ADGRV1: variants seen among roughly 807,000 people sequenced by gnomAD.
The protein encoded by ADGRV1 is adhesion G protein-coupled receptor V1, also known as G-protein coupled receptor 98.
Under a neutral mutation model 596.2 loss-of-function variants are expected in ADGRV1, and 359 were observed. The ratio of observed to expected loss-of-function variants is 0.60; its 90% CI spans 0.55 to 0.66. ADGRV1 has a LOEUF of 0.66. ADGRV1 is among the 30% of genes least tolerant of loss of function. The pLI, the probability that ADGRV1 is intolerant of heterozygous loss-of-function variation, is 0.00. For synonymous variants in ADGRV1, 2,681 were observed against 2,679.2 expected (o/e 1.00, Z -0.02); for missense variants, 7,274 against 7,575.6 (o/e 0.96, Z 1.48).
intron 83 of ADGRV1, among the ~76,000 whole-genome samples, chr5:90,878,111 G>A (rs770519538): frequency 5.3e-5 from 8 of 152,144 alleles, no homozygotes; most frequent in Non-Finnish European, 1.0e-4. Context: ...GTTATTAATA[G>A]GCTTGGGAAA....
chr5:90,738,945 T>G (rs1753602959), intron 50 of ADGRV1, among the ~76,000 whole-genome samples: 1 of 152,178 alleles, frequency 6.6e-6, no homozygotes, highest in South Asian at 2.1e-4. Flanking sequence ...GTTCTCTTGA[T>G]TGTGTCACAT....
At chr5:90,774,682 C>T (rs1272325764) in intron 60 of ADGRV1, among the ~76,000 whole-genome samples, 2 of 152,062 alleles carry the variant, frequency 1.3e-5, no homozygotes, top group Admixed American at 1.3e-4. Flanking sequence ...GAAAAACTCT[C>T]AATTACATTA....
chr5:90,840,915 C>A lies in ADGRV1; in HGVS notation c.16949C>A (p.Thr5650Asn), dbSNP rs61748627. The A allele has an allele frequency of 6.5e-7, 1 of 1,545,102 alleles. No homozygotes were observed. Residue 5650 changes from threonine (T) to asparagine (N), a missense_variant, in exon 78 of 90, where the codon ACC (threonine) becomes AAC (asparagine). Transcript: ENST00000405460. Reference protein sequence around the residue: ...NDDILNRVLHTISMKVATENT... With the variant: ...NDDILNRVLHNISMKVATENT... ...GATATTCTCAACAGAGTGCTCCATACCATCAGCATGAAAGTGGCCACAGAA... is the reference window on the plus strand; with the variant it reads ...GATATTCTCAACAGAGTGCTCCATAACATCAGCATGAAAGTGGCCACAGAA...
At chr5:90,876,852 A>G (rs1209772229) in intron 83 of ADGRV1, among the ~76,000 whole-genome samples, 1 of 152,168 alleles carries the variant, frequency 6.6e-6, no homozygotes, top group African/African-American at 2.4e-5. Flanking sequence ...CCGTTCTCCA[A>G]CTATTTAGTG....
intron 83 of ADGRV1, among the ~76,000 whole-genome samples, chr5:90,878,587 T>A (rs1270648386): frequency 1.3e-5 from 2 of 152,228 alleles, no homozygotes; most frequent in African/African-American, 4.8e-5. Flanking sequence ...ATCACTTCTT[T>A]GAAGGTAATT....
chr5:90,957,601 G>A (rs1358274059), intron 83 of ADGRV1, among the ~76,000 whole-genome samples: 3 of 146,372 alleles, frequency 2.0e-5, no homozygotes, highest in African/African-American at 7.5e-5. Context: ...TAACATATAT[G>A]TATATATTTT....
intron 85 of ADGRV1, among the ~76,000 whole-genome samples, chr5:90,993,198 G>T (rs1160418381): frequency 7.9e-6 from 1 of 126,110 alleles, no homozygotes; most frequent in Non-Finnish European, 1.6e-5. Context: ...TTGCTCTGTC[G>T]CCCAGGCTGG....
chr5:91,157,008 C>A (rs751359957), intron 89 of ADGRV1, among the ~76,000 whole-genome samples: 1 of 152,228 alleles, frequency 6.6e-6, no homozygotes, highest in African/African-American at 2.4e-5. Context: ...AAGTCGAGCA[C>A]AGCGCTGCTT....
chr5:91,031,651 G>A (rs1378229628), intron 85 of ADGRV1, among the ~76,000 whole-genome samples: 2 of 152,164 alleles, frequency 1.3e-5, no homozygotes, highest in Non-Finnish European at 2.9e-5. Context: ...AGCATAAGAT[G>A]AGTCATATTA....
rs546064419 is a variant in ADGRV1, at chr5:90,990,608, T to C, written c.18152+5086T>C. 2.8e-3 allele frequency among the ~76,000 whole-genome samples: 428 copies of C among 152,308 alleles called. 4 individuals carry two copies. The highest frequency in any genetic ancestry group is 2.4e-3 in the Non-Finnish European group (165 of 68,014). On this transcript the variant is annotated intron_variant, in intron 85 of 89. Transcript: ENST00000405460. Reference sequence around the variant, plus strand: ...TCCTGCTGTGCGGCCCTATTCCTAGTAGGCCATGGGCAGGTACCAGTCCAC... The same window carrying C: ...TCCTGCTGTGCGGCCCTATTCCTAGCAGGCCATGGGCAGGTACCAGTCCAC...
intron 86 of ADGRV1, among the ~76,000 whole-genome samples, chr5:91,099,753 T>A (rs1211881943): frequency 6.6e-6 from 1 of 151,854 alleles, no homozygotes; most frequent in Non-Finnish European, 1.5e-5. Flanking sequence ...GTTACAAATA[T>A]GGAAAGGGAG....
At chr5:91,057,741 A>G (rs938305149) in intron 85 of ADGRV1, among the ~76,000 whole-genome samples, 2 of 152,216 alleles carry the variant, frequency 1.3e-5, no homozygotes, top group Admixed American at 6.5e-5. Flanking sequence ...TGTGAGTGAC[A>G]GAATGTTGGT....
At chr5:90,816,046 T>G (rs1307206044) in intron 75 of ADGRV1, among the ~76,000 whole-genome samples, 1 of 152,230 alleles carries the variant, frequency 6.6e-6, no homozygotes, top group Non-Finnish European at 1.5e-5. Flanking sequence ...TGATGAAAAC[T>G]TGGAGTACCA....
At chr5:90,947,796 A>G (rs999149865) in intron 83 of ADGRV1, among the ~76,000 whole-genome samples, 2 of 152,174 alleles carry the variant, frequency 1.3e-5, no homozygotes, top group Non-Finnish European at 2.9e-5. Flanking sequence ...GAGAATCCAC[A>G]TGTCCTATCT....
At chr5:90,794,240 C>T (rs1210737454) in intron 70 of ADGRV1, among the ~76,000 whole-genome samples, 1 of 152,136 alleles carries the variant, frequency 6.6e-6, no homozygotes, top group East Asian at 1.9e-4. Context: ...GGGTAGGTTT[C>T]CATTAGGCTC....
rs776596673 is a variant in ADGRV1 at position 90,644,742 on chromosome 5, G to A, written c.2771G>A (p.Gly924Asp). Reference sequence around the variant, plus strand: ...GTAGTAAGAAATCGAGGCAACTTTGGTGATGTTAGTGTATCATGGGTGGTT... The same window carrying A: ...GTAGTAAGAAATCGAGGCAACTTTGATGATGTTAGTGTATCATGGGTGGTT... ...YDVVRNRGNF[G>D]DVSVSWVVSP... The change falls in exon 15 of 90, where the codon GGT (glycine) becomes GAT (aspartate). Residue 924 changes from glycine to aspartate, a missense_variant. Transcript: ENST00000405460. 5 of 1,610,994 alleles carry A rather than the reference G, an allele frequency of 3.1e-6. No homozygotes were observed. Among genetic ancestry groups the A allele is most frequent in the Non-Finnish European group, 4.2e-6 (5 of 1,179,116 alleles).
chr5:90,968,477 A>G (rs139987045), intron 84 of ADGRV1, among the ~76,000 whole-genome samples: 51 of 152,330 alleles, frequency 3.3e-4, no homozygotes, highest in Admixed American at 7.8e-4. Context: ...TAGTAGACCA[A>G]TTAGATTCTG....
chr5:90,638,500 G>A (rs1766540239), intron 11 of ADGRV1, among the ~76,000 whole-genome samples: 1 of 150,140 alleles, frequency 6.7e-6, no homozygotes, highest in African/African-American at 2.4e-5. Context: ...TTTCTCAGTG[G>A]GTAATTTATA....
chr5:90,621,957 C>T (rs1464062413), intron 4 of ADGRV1, among the ~76,000 whole-genome samples: 1 of 152,106 alleles, frequency 6.6e-6, no homozygotes, highest in African/African-American at 2.4e-5. Context: ...ATTGCTAACC[C>T]CAGTTATGTA....
Sources: gnomAD v4.1 joint callset for allele counts (sites outside exome capture counted in the v4.1 genomes callset) on GRCh38, gnomAD v4.1.1 for gene constraint, MANE v1.5 for transcripts, NCBI Gene and HGNC (gene_info 2026-07-23, HGNC 2026-07-21) for gene names.